Variants in ATXN10 observed in about 807,000 individuals in gnomAD.
The protein encoded by ATXN10 is ataxin 10.
Under a neutral mutation model 52.9 loss-of-function variants are expected in ATXN10, and 28 were observed. The observed-to-expected ratio is 0.53, with a 90% CI of 0.39 to 0.73. The LOEUF (loss-of-function observed/expected upper bound fraction) is 0.73. ATXN10 is among the 30% of genes least tolerant of loss of function. The probability of loss-of-function intolerance (pLI) is 0.00; values close to 1 mark genes in which losing one functional copy is unlikely to be tolerated. For synonymous variants in ATXN10, 226 were observed against 221.5 expected, an observed-to-expected ratio of 1.02 and a Z score of -0.18; for missense variants, 565 against 577.0, an observed-to-expected ratio of 0.98 and a Z score of 0.21.
chr22:45,764,566 C>T (rs1926517922), intron 9 of ATXN10, among the ~76,000 whole-genome samples: 1 of 152,112 alleles, frequency 6.6e-6, no homozygotes, highest in Admixed American at 6.5e-5. Flanking sequence ...GACTTTTTAC[C>T]CCATCATCCT....
At chr22:45,832,355 G>T (rs1476345783) in intron 10 of ATXN10, among the ~76,000 whole-genome samples, 2 of 152,156 alleles carry the variant, frequency 1.3e-5, no homozygotes, top group Non-Finnish European at 2.9e-5. Context: ...GCGCTGTGTG[G>T]CCTGCTCCCA....
At chr22:45,829,894 A>G (rs1928933154) in intron 10 of ATXN10, among the ~76,000 whole-genome samples, 1 of 152,214 alleles carries the variant, frequency 6.6e-6, no homozygotes, top group African/African-American at 2.4e-5. Context: ...ATGGAATCCC[A>G]AGGGACATTG....
In ATXN10 at chr22:45,696,855, C is replaced by G. The variant is rs1923628853; in HGVS notation, c.392-3427C>G. Among the ~76,000 whole-genome samples, 1 of 152,140 alleles carries G rather than the reference C, an allele frequency of 6.6e-6. No individual in the cohort carries two copies. The highest frequency in any genetic ancestry group is 2.4e-5 in the African/African-American group (1 of 41,420). ...TTAACGGAGCAGATATCTGAAACTA[C>G]TTTTATGAACCAGTTTGTCATTGAG... On this transcript the variant is annotated intron_variant, in intron 3 of 11. Transcript: ENST00000252934. The surrounding 1 kb of genome is among the most constrained non-coding windows in gnomAD (Gnocchi z 4.7).
chr22:45,690,992 G>T lies in ATXN10; in HGVS notation c.308+1089G>T, dbSNP rs1015706873. Among the ~76,000 whole-genome samples, 1 of 152,118 alleles carries T rather than the reference G, an allele frequency of 6.6e-6. No individual in the cohort carries two copies. The highest frequency in any genetic ancestry group is 6.5e-5 in the Admixed American group (1 of 15,276). The stretch of plus-strand genomic sequence containing the variant: ...GAAGCCACTTGAGGGACTCCCTTCG[G>T]TTAGACACATATACCCGAGGCTTTG... On this transcript the variant is annotated intron_variant, in intron 2 of 11. Coordinates refer to ENST00000252934, the MANE Select transcript of ATXN10 (RefSeq NM_013236.4). This position sits in a 1 kb window ranked among gnomAD's most constrained non-coding sequence, Gnocchi z 4.5.
At chr22:45,724,017 T>G (rs926313502) in intron 6 of ATXN10, among the ~76,000 whole-genome samples, 6 of 140,358 alleles carry the variant, frequency 4.3e-5, no homozygotes, top group Non-Finnish European at 7.6e-5. Context: ...TATTTCATTC[T>G]TTTTTATGGT....
intron 10 of ATXN10, among the ~76,000 whole-genome samples, chr22:45,814,758 A>G (rs934567260): frequency 6.6e-6 from 1 of 152,128 alleles, no homozygotes; most frequent in East Asian, 1.9e-4. Flanking sequence ...TGAGATCAGC[A>G]GGAGGTGAGT....
chr22:45,830,951 A>G (rs1928972682), intron 10 of ATXN10, among the ~76,000 whole-genome samples: 1 of 152,234 alleles, frequency 6.6e-6, no homozygotes, highest in African/African-American at 2.4e-5. Flanking sequence ...GCCAAAAGGT[A>G]GAAGCAACCC....
intron 5 of ATXN10, among the ~76,000 whole-genome samples, chr22:45,707,944 G>A (rs979110970): frequency 3.3e-5 from 5 of 152,106 alleles, no homozygotes; most frequent in African/African-American, 1.2e-4. Context: ...CTACATTTTA[G>A]GAGATAGGTG....
rs766375207 is a variant in ATXN10 at position 45,715,422 on chromosome 22, G to T, written c.648-2991G>T. Among the ~76,000 whole-genome samples the T allele has an allele frequency of 6.6e-6, 1 of 152,154 alleles. No homozygotes were observed. The highest frequency in any genetic ancestry group is 1.5e-5 in the Non-Finnish European group (1 of 68,026). ...ATACATTATATAAACATGATGATAT[G>T]GATCAAGTTTGTCCAACCTGCAGGC... On this transcript the variant is annotated intron_variant, in intron 5 of 11. Transcript: ENST00000252934. This position sits in a 1 kb window ranked among gnomAD's most constrained non-coding sequence, Gnocchi z 4.4.
chr22:45,680,176 C>G (rs182703501), intron 1 of ATXN10: 1 of 152,184 alleles, frequency 6.6e-6, no homozygotes, highest in Admixed American at 6.5e-5. Flanking sequence ...GTGGGGGATG[C>G]TCTTTCATTA....
intron 9 of ATXN10, among the ~76,000 whole-genome samples, chr22:45,777,938 T>G (rs945167000): frequency 6.6e-6 from 1 of 152,242 alleles, no homozygotes; most frequent in Non-Finnish European, 1.5e-5. Flanking sequence ...GAGGATTTAA[T>G]GTAGGGGTGA....
chr22:45,756,055 TGA>T (rs1926163087), intron 9 of ATXN10, among the ~76,000 whole-genome samples: 1 of 152,136 alleles, frequency 6.6e-6, no homozygotes, highest in South Asian at 2.1e-4. Flanking sequence ...GCCAAGTCTC[TGA>T]GAGAGGTGAC....
intron 10 of ATXN10, among the ~76,000 whole-genome samples, chr22:45,838,751 C>T (rs930102778): frequency 6.6e-6 from 1 of 152,126 alleles, no homozygotes; most frequent in Non-Finnish European, 1.5e-5. Flanking sequence ...GGCTGTGGAC[C>T]AGACACGCTT....
Position 45,790,457 on chromosome 22 carries a change from T to A in ATXN10, c.1174-16502T>A, listed in dbSNP as rs576056109. On this transcript the variant is annotated intron_variant, in intron 9 of 11. Transcript: ENST00000252934. This position sits in a 1 kb window ranked among gnomAD's most constrained non-coding sequence, Gnocchi z 4.7. Reference sequence around the variant, plus strand: ...CTAATAGTTACCCCAAGCAAAAGTATGTCTCCAGAAACCAATACTTCTTAC... The same window carrying A: ...CTAATAGTTACCCCAAGCAAAAGTAAGTCTCCAGAAACCAATACTTCTTAC... Among the ~76,000 whole-genome samples the A allele has an allele frequency of 6.6e-6, 1 of 152,320 alleles. No individual in the cohort carries two copies. Among genetic ancestry groups the A allele is most frequent in the Admixed American group, 6.5e-5 (1 of 15,302 alleles).
chr22:45,813,991 C>T (rs915270403), intron 10 of ATXN10, among the ~76,000 whole-genome samples: 16 of 152,132 alleles, frequency 1.1e-4, no homozygotes, highest in African/African-American at 3.9e-4. Context: ...TGGTGCTGGA[C>T]CAATTTAATG....
chr22:45,788,424 T>TA (rs1246662754), intron 9 of ATXN10, among the ~76,000 whole-genome samples: 2 of 151,308 alleles, frequency 1.3e-5, no homozygotes, highest in Non-Finnish European at 2.9e-5. Flanking sequence ...AGAGAGCAGT[T>TA]AGTGTCTGAT....
Position 45,766,717 on chromosome 22 carries a change from CA to C in ATXN10, c.1173+26180del, listed in dbSNP as rs1360282378. Among the ~76,000 whole-genome samples, 3 of 151,938 alleles carry C rather than the reference CA, an allele frequency of 2.0e-5. No individual in the cohort carries two copies. The highest frequency in any genetic ancestry group is 7.3e-5 in the African/African-American group (3 of 41,358). On this transcript the variant is annotated intron_variant, in intron 9 of 11. Coordinates refer to ENST00000252934, the MANE Select transcript of ATXN10 (RefSeq NM_013236.4). The surrounding 1 kb of genome is among the most constrained non-coding windows in gnomAD (Gnocchi z 4.6). ...AGTTGGATGACAAGAAGCAAATAAGCACATAAAATGATAAAGAAAAAATAGT... is the reference window on the plus strand; with the variant it reads ...AGTTGGATGACAAGAAGCAAATAAGCCATAAAATGATAAAGAAAAAATAGT...
intron 7 of ATXN10, among the ~76,000 whole-genome samples, chr22:45,731,204 G>C (rs1294202053): frequency 5.3e-5 from 8 of 152,228 alleles, no homozygotes; most frequent in Admixed American, 4.6e-4. Context: ...AAGAATCTCA[G>C]AAGTGCTGAG....
In ATXN10 at chr22:45,766,556, A is replaced by G. The variant is rs1335270054; in HGVS notation, c.1173+26018A>G. Among the ~76,000 whole-genome samples, 1 of 152,190 alleles carries G rather than the reference A, an allele frequency of 6.6e-6. No individual in the cohort carries two copies. The highest frequency in any genetic ancestry group is 2.4e-5 in the African/African-American group (1 of 41,438). ...AGACATCAGTTTGAATAAACTGTAAATGGCACAGGTGTAAATGTAACAGCA... is the reference window on the plus strand; with the variant it reads ...AGACATCAGTTTGAATAAACTGTAAGTGGCACAGGTGTAAATGTAACAGCA... On this transcript the variant is annotated intron_variant, in intron 9 of 11. Transcript: ENST00000252934. This position sits in a 1 kb window ranked among gnomAD's most constrained non-coding sequence, Gnocchi z 4.6.
Sources: allele counts gnomAD v4.1 joint callset (sites outside exome capture counted in the v4.1 genomes callset), GRCh38; gene constraint gnomAD v4.1.1; non-coding constraint Gnocchi (gnomAD v3.1); transcripts MANE v1.5; gene names NCBI Gene and HGNC (gene_info 2026-07-23, HGNC 2026-07-21).